GRM5: variants seen among roughly 807,000 people sequenced by gnomAD.
GRM5 encodes the protein metabotropic glutamate receptor 5.
Under a neutral mutation model 83.1 loss-of-function variants are expected in GRM5, and 19 were observed. The ratio of observed to expected loss-of-function variants is 0.23; its 90% CI spans 0.16 to 0.34. GRM5 has a LOEUF of 0.34. Ranked by LOEUF, GRM5 falls within the 10% of genes least tolerant of loss-of-function variation. The pLI is 1.00. For missense variants in GRM5, 1,160 were observed against 1,588.3 expected, an observed-to-expected ratio of 0.73 and a Z score of 4.58; for synonymous variants, 675 against 633.6, an observed-to-expected ratio of 1.07 and a Z score of -0.98.
intron 2 of GRM5, among the ~76,000 whole-genome samples, chr11:88,857,850 G>C (rs1944501763): frequency 6.6e-6 from 1 of 151,962 alleles, no homozygotes; most frequent in Non-Finnish European, 1.5e-5. Flanking sequence ...AATGATCCAA[G>C]AAATATTCCT....
chr11:88,854,824 C>T (rs1230023170), intron 2 of GRM5, among the ~76,000 whole-genome samples: 5 of 151,844 alleles, frequency 3.3e-5, no homozygotes, highest in Non-Finnish European at 5.9e-5. Flanking sequence ...AAACTTTCTG[C>T]TAACCTAGGA....
chr11:88,902,844 G>T (rs114948347), intron 2 of GRM5, among the ~76,000 whole-genome samples: 5 of 151,020 alleles, frequency 3.3e-5, no homozygotes, highest in African/African-American at 9.8e-5. Context: ...CCAGCTACTA[G>T]GGAGGTTGAG....
intron 2 of GRM5, among the ~76,000 whole-genome samples, chr11:89,029,859 A>T (rs1941220330): frequency 6.6e-6 from 1 of 152,214 alleles, no homozygotes; most frequent in African/African-American, 2.4e-5. Flanking sequence ...AGTAGACACT[A>T]AGGAATGCTG....
intron 2 of GRM5, among the ~76,000 whole-genome samples, chr11:88,886,561 T>A (rs377266811): frequency 1.3e-5 from 2 of 152,076 alleles, no homozygotes; most frequent in African/African-American, 4.8e-5. Flanking sequence ...ACTGGCCCTG[T>A]TTGAACCAGC....
At chr11:88,527,102 G>A (rs887956835) in intron 8 of GRM5, among the ~76,000 whole-genome samples, 9 of 152,250 alleles carry the variant, frequency 5.9e-5, no homozygotes, top group Middle Eastern at 3.4e-3. Context: ...ATGGCCAAAT[G>A]ATGCTCAATG....
intron 1 of GRM5, among the ~76,000 whole-genome samples, chr11:89,061,776 A>G (rs1485841346): frequency 6.6e-6 from 1 of 152,160 alleles, no homozygotes; most frequent in Non-Finnish European, 1.5e-5. Flanking sequence ...CCCTCTCCCA[A>G]ATCATCTCGA....
intron 9 of GRM5, among the ~76,000 whole-genome samples, chr11:88,514,623 T>G (rs1941473943): frequency 6.6e-6 from 1 of 151,908 alleles, no homozygotes; most frequent in Non-Finnish European, 1.5e-5. Context: ...TTCACAAGTG[T>G]GACAAAAATG....
At chr11:88,525,585 A>T (rs577606216) in intron 8 of GRM5, among the ~76,000 whole-genome samples, 181 bp from the exon 9 acceptor site, 1 of 152,338 alleles carries the variant, frequency 6.6e-6, no homozygotes, top group South Asian at 2.1e-4. Flanking sequence ...CATATGGACA[A>T]CATCAGGGAT....
intron 4 of GRM5, among the ~76,000 whole-genome samples, chr11:88,641,905 T>C (rs1238772373): frequency 3.9e-5 from 6 of 152,178 alleles, no homozygotes. Context: ...GGATCTACCA[T>C]TCTGGGGTCT....
chr11:88,660,505 G>A (rs1939877320), intron 3 of GRM5, among the ~76,000 whole-genome samples: 1 of 152,162 alleles, frequency 6.6e-6, no homozygotes, highest in Non-Finnish European at 1.5e-5. Context: ...CCTGCCATAG[G>A]CAAACAACAT....
At chr11:88,723,903 A>C (rs1941609319) in intron 3 of GRM5, among the ~76,000 whole-genome samples, 1 of 152,120 alleles carries the variant, frequency 6.6e-6, no homozygotes, top group African/African-American at 2.4e-5. Flanking sequence ...TTCAGGGAGT[A>C]CATGTGCATG....
chr11:88,984,441 A>G (rs1397695107), intron 2 of GRM5, among the ~76,000 whole-genome samples: 1 of 152,206 alleles, frequency 6.6e-6, no homozygotes, highest in Non-Finnish European at 1.5e-5. Context: ...AGCGTAGGCT[A>G]TCCCATCTAG....
chr11:88,692,139 G>T (rs1458171373), intron 3 of GRM5, among the ~76,000 whole-genome samples: 1 of 152,150 alleles, frequency 6.6e-6, no homozygotes. Context: ...TTATGAGATT[G>T]TTCTAGACCC....
At chr11:89,063,765 G>C (rs113076649) in intron 1 of GRM5, 1 of 152,224 alleles carries the variant, frequency 6.6e-6, no homozygotes, top group Non-Finnish European at 1.5e-5. Context: ...AGTTCTTTGC[G>C]CAACTTTTTG....
At chr11:89,043,593 G>A (rs1286913976) in intron 2 of GRM5, among the ~76,000 whole-genome samples, 1 of 137,596 alleles carries the variant, frequency 7.3e-6, no homozygotes, top group Non-Finnish European at 1.5e-5. Context: ...TTTTGCTTTT[G>A]AAGTTTAAGC....
At chr11:88,755,881 T>C (rs1942384667) in intron 3 of GRM5, among the ~76,000 whole-genome samples, 1 of 152,148 alleles carries the variant, frequency 6.6e-6, no homozygotes, top group African/African-American at 2.4e-5. Flanking sequence ...ATGCCAAAAG[T>C]AGGATACTGT....
intron 3 of GRM5, among the ~76,000 whole-genome samples, chr11:88,789,512 C>T (rs1419452677): frequency 1.3e-5 from 2 of 151,990 alleles, no homozygotes; most frequent in Non-Finnish European, 2.9e-5. Flanking sequence ...TGTTCAAGTA[C>T]ACTGTATTTA....
At chr11:88,671,309 T>C (rs1940187442) in intron 3 of GRM5, among the ~76,000 whole-genome samples, 1 of 152,102 alleles carries the variant, frequency 6.6e-6, no homozygotes, top group Admixed American at 6.6e-5. Flanking sequence ...ATTCCAAGCT[T>C]ATAATAAGTT....
intron 3 of GRM5, among the ~76,000 whole-genome samples, chr11:88,791,502 G>T (rs1268666127): frequency 1.3e-5 from 2 of 152,180 alleles, no homozygotes; most frequent in Non-Finnish European, 2.9e-5. Context: ...CCCTTGATTA[G>T]AAAACTAATA....
Sources: allele counts gnomAD v4.1 joint callset (sites outside exome capture counted in the v4.1 genomes callset), GRCh38; gene constraint gnomAD v4.1.1; transcripts MANE v1.5; gene names NCBI Gene and HGNC (gene_info 2026-07-23, HGNC 2026-07-21).